R3HDM1: variants seen among roughly 807,000 people sequenced by gnomAD.
The protein encoded by R3HDM1 is R3H domain-containing protein 1.
Under a neutral mutation model 141.1 loss-of-function variants are expected in R3HDM1, and 46 were observed. That is an observed-to-expected ratio of 0.33 (90% CI 0.26 to 0.42). The LOEUF is 0.42. Ranked by LOEUF, R3HDM1 falls within the 10% of genes least tolerant of loss-of-function variation. The probability of loss-of-function intolerance (pLI) is 1.00; values close to 1 mark genes in which losing one functional copy is unlikely to be tolerated. For synonymous variants in R3HDM1, 435 were observed against 472.9 expected, an observed-to-expected ratio of 0.92 and a Z score of 1.04; for missense variants, 1,184 against 1,368.3, an observed-to-expected ratio of 0.87 and a Z score of 2.12.
At chr2:135,704,137 C>G (rs568710527) in intron 21 of R3HDM1, among the ~76,000 whole-genome samples, 2 of 152,160 alleles carry the variant, frequency 1.3e-5, no homozygotes, top group African/African-American at 2.4e-5. Context: ...CCCACCACCA[C>G]GCCCAGCTAA....
chr2:135,706,873 G>A (rs1304605384), intron 21 of R3HDM1, among the ~76,000 whole-genome samples: 5 of 152,020 alleles, frequency 3.3e-5, no homozygotes, highest in South Asian at 2.1e-4. Context: ...ATCATGGCCC[G>A]TTCTCAATGA....
chr2:135,690,630 T>C (rs1276851148), intron 21 of R3HDM1, among the ~76,000 whole-genome samples: 1 of 152,136 alleles, frequency 6.6e-6, no homozygotes, highest in Non-Finnish European at 1.5e-5. Context: ...AGGAATAAAA[T>C]GTAAAAGAAA....
At chr2:135,685,646 C>T (rs1217038422) in intron 21 of R3HDM1, among the ~76,000 whole-genome samples, 1 of 152,108 alleles carries the variant, frequency 6.6e-6, no homozygotes, top group East Asian at 1.9e-4. Flanking sequence ...ATGCTATATT[C>T]ATTGAGACTC....
At chr2:135,575,385 T>C (rs1573980079) in intron 1 of R3HDM1, among the ~76,000 whole-genome samples, 1 of 152,200 alleles carries the variant, frequency 6.6e-6, no homozygotes, top group East Asian at 1.9e-4. Flanking sequence ...TTTCACCATG[T>C]TGGCCAGGCT....
intron 21 of R3HDM1, among the ~76,000 whole-genome samples, chr2:135,688,186 G>A (rs1391203960): frequency 3.9e-5 from 6 of 152,028 alleles, no homozygotes; most frequent in African/African-American, 1.4e-4. Flanking sequence ...TTGGGTTTTT[G>A]TTTGAAATGG....
intron 14 of R3HDM1, among the ~76,000 whole-genome samples, chr2:135,640,268 A>T (rs945019095): frequency 2.6e-5 from 4 of 152,198 alleles, no homozygotes; most frequent in African/African-American, 9.7e-5. Context: ...CATCTTTTTA[A>T]TGTATAATAT....
chr2:135,572,855 C>T (rs1479656719), intron 1 of R3HDM1, among the ~76,000 whole-genome samples: 2 of 152,164 alleles, frequency 1.3e-5, no homozygotes, highest in Admixed American at 1.3e-4. Flanking sequence ...AATCCTACAG[C>T]TTGGATGACT....
chr2:135,640,145 A>G (rs975349555), intron 14 of R3HDM1, among the ~76,000 whole-genome samples: 2 of 151,934 alleles, frequency 1.3e-5, no homozygotes, highest in East Asian at 1.9e-4. Context: ...TCCCTAACCT[A>G]TTTGGGTGAG....
At chr2:135,720,029 A>G (rs557720609) in intron 24 of R3HDM1, among the ~76,000 whole-genome samples, 1 of 152,134 alleles carries the variant, frequency 6.6e-6, no homozygotes, top group South Asian at 2.1e-4. Context: ...TGTTTTTAGG[A>G]GAGACGGGGT....
chr2:135,665,675 C>A (rs1553611217), intron 19 of R3HDM1, among the ~76,000 whole-genome samples: 2 of 152,134 alleles, frequency 1.3e-5, no homozygotes, highest in Non-Finnish European at 2.9e-5. Context: ...AAAGCTATTG[C>A]TTATTTCTTT....
rs1247643729 is a variant in R3HDM1, at chr2:135,638,912, T to C, written c.1009T>C (p.Ser337Pro). Reference protein sequence around the residue: ...RQIFRVNKDASGRSTNSHQSS... With the variant: ...RQIFRVNKDAPGRSTNSHQSS... The stretch of plus-strand genomic sequence containing the variant: ...AAATTACAGAGTTAATAAAGATGCT[T>C]CAGGGAGATCTACAAATAGCCATCA... The change falls in exon 14 of 27, where the codon TCA becomes CCA. Residue 337 changes from serine to proline, a missense_variant. Ser to Pro is a moderately conservative substitution (Grantham distance 74). Coordinates refer to ENST00000683871, the MANE Select transcript of R3HDM1 (RefSeq NM_001378107.1). 1 of 1,613,228 alleles carries C rather than the reference T, an allele frequency of 6.2e-7. No individual in the cohort carries two copies. Among genetic ancestry groups the C allele is most frequent in the Non-Finnish European group, 8.5e-7 (1 of 1,179,720 alleles).
intron 24 of R3HDM1, among the ~76,000 whole-genome samples, chr2:135,719,014 G>A (rs2076429358): frequency 6.6e-6 from 1 of 152,046 alleles, no homozygotes; most frequent in African/African-American, 2.4e-5. Flanking sequence ...CGGGCATGGT[G>A]GCGCACGCCT....
intron 24 of R3HDM1, among the ~76,000 whole-genome samples, chr2:135,717,673 A>G (rs1000863513): frequency 2.6e-5 from 4 of 152,134 alleles, no homozygotes; most frequent in African/African-American, 9.7e-5. Context: ...AACATGCAAA[A>G]TCCACATGTG....
At chr2:135,667,408 C>A (rs1013209556) in intron 19 of R3HDM1, among the ~76,000 whole-genome samples, 8 of 140,666 alleles carry the variant, frequency 5.7e-5, no homozygotes, top group Non-Finnish European at 1.1e-4. Context: ...AAAAAAAAAT[C>A]TATGTTGAGA....
At chr2:135,593,190 G>A (rs565019846) in intron 1 of R3HDM1, among the ~76,000 whole-genome samples, 1 of 152,192 alleles carries the variant, frequency 6.6e-6, no homozygotes, top group Non-Finnish European at 1.5e-5. Context: ...AAAGTGCTGG[G>A]ATTACAGGCA....
At chr2:135,723,650 G>A (rs984099056) in intron 26 of R3HDM1, among the ~76,000 whole-genome samples, 40 of 151,088 alleles carry the variant, frequency 2.6e-4, no homozygotes, top group African/African-American at 2.2e-4. Context: ...GGTGGCGGGC[G>A]CTTGTAATCC....
intron 21 of R3HDM1, among the ~76,000 whole-genome samples, chr2:135,689,401 G>T (rs1402851522): frequency 1.3e-5 from 2 of 152,130 alleles, no homozygotes; most frequent in African/African-American, 4.8e-5. Context: ...TAAACTCTAG[G>T]TTACAGGGTC....
chr2:135,634,950 A>G (rs545417220), intron 9 of R3HDM1, among the ~76,000 whole-genome samples: 7 of 152,208 alleles, frequency 4.6e-5, no homozygotes, highest in African/African-American at 7.2e-5. Flanking sequence ...GAAATTTTAT[A>G]TAATTGTAAT....
intron 16 of R3HDM1, 124 bp downstream of exon 16, chr2:135,645,651 G>T (rs897894287): frequency 1.0e-5 from 12 of 1,166,158 alleles, no homozygotes; most frequent in South Asian, 1.6e-5. Context: ...TGCCACTAGT[G>T]ATATTCCACT....
Sources: gnomAD v4.1 joint callset for allele counts (sites outside exome capture counted in the v4.1 genomes callset) on GRCh38, gnomAD v4.1.1 for gene constraint, MANE v1.5 for transcripts, NCBI Gene and HGNC (gene_info 2026-07-23, HGNC 2026-07-21) for gene names.